SRGAP3: variants seen among roughly 807,000 people sequenced by gnomAD.
SRGAP3 encodes the protein SLIT-ROBO Rho GTPase activating protein 3, also known as SLIT-ROBO Rho GTPase-activating protein 3.
A neutral mutation model predicts 121.1 loss-of-function variants in SRGAP3; 39 were observed. That is an observed-to-expected ratio of 0.32 (90% CI 0.25 to 0.42). The LOEUF is 0.42. Among genes scored for constraint, SRGAP3 ranks in the 10% least tolerant of loss-of-function variants. The pLI, the probability that SRGAP3 is intolerant of heterozygous loss-of-function variation, is 1.00. For synonymous variants in SRGAP3, 601 were observed against 570.0 expected, an observed-to-expected ratio of 1.05 and a Z score of -0.77; for missense variants, 1,213 against 1,470.6, an observed-to-expected ratio of 0.82 and a Z score of 2.86.
At chr3:9,179,169 G>T (rs567992146) in intron 1 of SRGAP3, among the ~76,000 whole-genome samples, 1 of 152,196 alleles carries the variant, frequency 6.6e-6, no homozygotes, top group Non-Finnish European at 1.5e-5. Context: ...TCTGGGGGTT[G>T]GGAGGAGGAC....
At chr3:9,015,522 A>G in intron 15 of SRGAP3, 75 bp downstream of exon 15, 1 of 1,592,212 alleles carries the variant, frequency 6.3e-7, no homozygotes, top group Non-Finnish European at 8.6e-7. Flanking sequence ...TATGCCTAGC[A>G]CAGCAGTAAG....
chr3:9,339,872 C>G (rs1407758736), intron 1 of SRGAP3, among the ~76,000 whole-genome samples: 1 of 152,118 alleles, frequency 6.6e-6, no homozygotes, highest in Non-Finnish European at 1.5e-5. Flanking sequence ...TTATTTCACT[C>G]CAGCTTGGTC....
At chr3:9,286,502 T>A (rs1954774049) in intron 3 of SRGAP3, among the ~76,000 whole-genome samples, 2 of 152,016 alleles carry the variant, frequency 1.3e-5, no homozygotes, top group East Asian at 3.9e-4. Context: ...CTCTATTTTT[T>A]TTTAAATCCA....
At position 9,125,122 on chromosome 3, in the gene SRGAP3, C is replaced by T. The variant is rs1470032452; in HGVS notation, c.68-205G>A. 9.3e-6 allele frequency: 6 copies of T among 645,916 alleles called. No homozygotes were observed. The East Asian group carries it at 1.7e-4, about 18-fold the overall frequency. 40.0% of individuals were successfully genotyped at this position (645,916 alleles called of 1,614,324 possible). A position where few individuals can be genotyped will look rare whatever the true frequency, so the allele number is the denominator to read the frequency against. On this transcript the variant is annotated intron_variant, in intron 1 of 21. Coordinates refer to ENST00000383836, the MANE Select transcript of SRGAP3 (RefSeq NM_014850.4). ...TCTCTTGCTCGTTTTTGCCATTGAT[C>T]TAACCAAAAGTTTCCAAAACTTGAA...
At chr3:9,334,133 T>C (rs1257086338) in intron 1 of SRGAP3, among the ~76,000 whole-genome samples, 1 of 152,076 alleles carries the variant, frequency 6.6e-6, no homozygotes, top group Non-Finnish European at 1.5e-5. Context: ...CAAACTAGAA[T>C]GTGTGTGTGA....
rs964725780 is a variant in SRGAP3 at position 8,983,359 on chromosome 3, G to C, written c.*2160C>G. On this transcript the variant is annotated 3_prime_UTR_variant, in exon 22 of 22. Coordinates refer to ENST00000383836, the MANE Select transcript of SRGAP3 (RefSeq NM_014850.4). Reference sequence around the variant, plus strand: ...ACAAGGGAGGTCAAGTTTGACACTGGCCTCTCCCTGAGATCCCTTTTTTTG... The same window carrying C: ...ACAAGGGAGGTCAAGTTTGACACTGCCCTCTCCCTGAGATCCCTTTTTTTG... 4.4e-6 allele frequency: 1 copy of C among 229,110 alleles called. No homozygotes were observed. Among genetic ancestry groups the C allele is most frequent in the African/African-American group, 2.2e-5 (1 of 45,070 alleles). 14.2% of individuals were successfully genotyped at this position (229,110 alleles called of 1,614,324 possible).
chr3:9,114,615 C>T (rs1307999053), intron 2 of SRGAP3, among the ~76,000 whole-genome samples: 1 of 152,194 alleles, frequency 6.6e-6, no homozygotes, highest in East Asian at 1.9e-4. Flanking sequence ...AGCAGCACCT[C>T]TGAGCTCCCC....
intron 3 of SRGAP3, among the ~76,000 whole-genome samples, chr3:9,321,872 G>A (rs1955443660): frequency 6.6e-6 from 1 of 151,540 alleles, no homozygotes; most frequent in African/African-American, 2.4e-5. Context: ...ACTAGGCTTA[G>A]TACCTAGGTG....
At chr3:9,268,496 C>T (rs1954411421) in intron 3 of SRGAP3, among the ~76,000 whole-genome samples, 1 of 152,090 alleles carries the variant, frequency 6.6e-6, no homozygotes, top group Non-Finnish European at 1.5e-5. Context: ...GTTTAAGCCA[C>T]CCAGTCTATG....
At chr3:8,989,011 T>G (rs979237564) in intron 21 of SRGAP3, among the ~76,000 whole-genome samples, 6 of 152,196 alleles carry the variant, frequency 3.9e-5, no homozygotes, top group Non-Finnish European at 2.9e-5. Flanking sequence ...TTAAAGGTTT[T>G]ATAAGTCTTA....
At chr3:9,358,033 C>T (rs2030612283) in intron 1 of SRGAP3, among the ~76,000 whole-genome samples, 1 of 152,134 alleles carries the variant, frequency 6.6e-6, no homozygotes, top group South Asian at 2.1e-4. Flanking sequence ...CGCCACCACA[C>T]CCAGCTAGTT....
chr3:9,240,071 T>C (rs1953569270), intron 1 of SRGAP3, among the ~76,000 whole-genome samples: 1 of 152,182 alleles, frequency 6.6e-6, no homozygotes, highest in Non-Finnish European at 1.5e-5. Context: ...AGCAGGCCTA[T>C]TTCACACTGT....
At position 9,109,287 on chromosome 3, in the gene SRGAP3, T is replaced by C. The variant is rs1328708859; in HGVS notation, c.261-4445A>G. Among the ~76,000 whole-genome samples the C allele has an allele frequency of 1.3e-5, 2 of 152,114 alleles. No individual in the cohort carries two copies. The highest frequency in any genetic ancestry group is 4.8e-5 in the African/African-American group (2 of 41,418). Reference sequence around the variant, plus strand: ...TGATCTGGAACTGATGGGGAATTGCTGGGACAGTTTGGGGACCATTAACTA... The same window carrying C: ...TGATCTGGAACTGATGGGGAATTGCCGGGACAGTTTGGGGACCATTAACTA... On this transcript the variant is annotated intron_variant, in intron 2 of 21. Coordinates refer to ENST00000383836, the MANE Select transcript of SRGAP3 (RefSeq NM_014850.4). This position sits in a 1 kb window ranked among gnomAD's most constrained non-coding sequence, Gnocchi z 4.4.
intron 9 of SRGAP3, among the ~76,000 whole-genome samples, chr3:9,050,515 C>T (rs1945514835): frequency 6.6e-6 from 1 of 152,158 alleles, no homozygotes; most frequent in Non-Finnish European, 1.5e-5. Flanking sequence ...TTGATGTTTG[C>T]ATTGAAAGGA....
intron 6 of SRGAP3, 114 bp from the exon 7 acceptor site, chr3:9,058,586 T>C: frequency 8.8e-7 from 1 of 1,139,396 alleles, no homozygotes; most frequent in South Asian, 1.3e-5. Flanking sequence ...GAATCTTCCA[T>C]CCCGGAGGCC....
rs535129498 is a variant in SRGAP3, at chr3:9,291,635, C to T, written n.442+34375G>A. Among the ~76,000 whole-genome samples, 320 of 150,138 alleles carry T rather than the reference C, an allele frequency of 2.1e-3. 1 individual carries two copies. Among genetic ancestry groups the T allele is most frequent in the African/African-American group, 7.5e-3 (308 of 40,808 alleles). ...ACACACACACACACACACACACACA[C>T]GCACACACATTTGTTGTCTTAAATA... On this transcript the variant is annotated intron_variant and non_coding_transcript_variant, in intron 3 of 3. Transcript: ENST00000490889.
chr3:9,345,286 T>C (rs1211174485), intron 1 of SRGAP3, among the ~76,000 whole-genome samples: 1 of 149,770 alleles, frequency 6.7e-6, no homozygotes, highest in Non-Finnish European at 1.5e-5. Context: ...AGGCCAGGAG[T>C]TTGAGACCAG....
chr3:9,262,190 T>C (rs9682465), intron 3 of SRGAP3, among the ~76,000 whole-genome samples: 1,631 of 152,238 alleles, frequency 0.011, 20 homozygotes, highest in African/African-American at 0.026. Flanking sequence ...AGGGCTGCCT[T>C]ACAAGAGTTC....
chr3:9,111,567 C>T (rs1434554114), intron 2 of SRGAP3, among the ~76,000 whole-genome samples: 1 of 152,150 alleles, frequency 6.6e-6, no homozygotes, highest in African/African-American at 2.4e-5. Context: ...TCCATCCTGC[C>T]CCCATCTGGC....
Sources: allele counts gnomAD v4.1 joint callset (sites outside exome capture counted in the v4.1 genomes callset), GRCh38; gene constraint gnomAD v4.1.1; non-coding constraint Gnocchi (gnomAD v3.1); transcripts MANE v1.5; gene names NCBI Gene and HGNC (gene_info 2026-07-23, HGNC 2026-07-21).